Variants in DNMT3B observed in about 807,000 individuals in gnomAD.
DNMT3B encodes the protein DNA (cytosine-5)-methyltransferase 3B.
DNMT3B carries 37 observed loss-of-function variants against 120.2 expected under a neutral mutation model. The observed-to-expected ratio is 0.31, with a 90% CI of 0.24 to 0.40. The LOEUF (loss-of-function observed/expected upper bound fraction) is 0.40. Ranked by LOEUF, DNMT3B falls within the 10% of genes least tolerant of loss-of-function variation. The pLI is 1.00. For missense variants in DNMT3B, 878 were observed against 1,137.3 expected, an observed-to-expected ratio of 0.77 and a Z score of 3.28; for synonymous variants, 412 against 442.8, an observed-to-expected ratio of 0.93 and a Z score of 0.87.
intron 19 of DNMT3B, 41 bp downstream of exon 19, chr20:32,801,467 G>C (rs1035502717): frequency 6.2e-7 from 1 of 1,612,656 alleles, no homozygotes; most frequent in Non-Finnish European, 8.5e-7. Flanking sequence ...GACAGCCAGG[G>C]CAGGGAAAGC....
rs1978603308 is a variant in DNMT3B at position 32,781,364 on chromosome 20, A to C, written c.154A>C (p.Ser52Arg). The change falls in exon 3 of 23, where the codon AGC becomes CGC. Residue 52 changes from serine (S) to arginine (R), a missense_variant. Ser to Arg is a moderately radical substitution (Grantham distance 110). Transcript: ENST00000328111. ...TGTTTCCTCTACAGGCCGAAGATCAAGCTCGCGACTCTCCAAGAGGGAGGT... is the reference window on the plus strand; with the variant it reads ...TGTTTCCTCTACAGGCCGAAGATCACGCTCGCGACTCTCCAAGAGGGAGGT... ...RTPEIRGRRSSSRLSKREVSS... is the reference protein window; with the variant it reads ...RTPEIRGRRSRSRLSKREVSS... 2 of 1,614,196 alleles carry C rather than the reference A, an allele frequency of 1.2e-6. No homozygotes were observed. The highest frequency in any genetic ancestry group is 1.7e-6 in the Non-Finnish European group (2 of 1,180,046).
chr20:32,765,434 T>TC (rs1447459869), intron 1 of DNMT3B, among the ~76,000 whole-genome samples: 1 of 150,632 alleles, frequency 6.6e-6, no homozygotes, highest in African/African-American at 2.4e-5. Context: ...TTCTTTTTTT[T>TC]TTTTTTGAGA....
chr20:32,774,744 G>A (rs2087522972), intron 1 of DNMT3B, among the ~76,000 whole-genome samples: 1 of 151,636 alleles, frequency 6.6e-6, no homozygotes, highest in South Asian at 2.1e-4. Flanking sequence ...TTGAGATGGA[G>A]TCTCCCCCTT....
intron 3 of DNMT3B, among the ~76,000 whole-genome samples, chr20:32,784,182 G>T (rs1978981726): frequency 6.6e-6 from 1 of 152,198 alleles, no homozygotes; most frequent in Admixed American, 6.5e-5. Context: ...CTCCCAAAGT[G>T]TTGGGATTAC....
At position 32,800,313 on chromosome 20, in the gene DNMT3B, T is replaced by C. The variant is rs1297885262; in HGVS notation, c.1905+15T>C. 3.7e-6 allele frequency: 6 copies of C among 1,613,936 alleles called. No individual in the cohort carries two copies. The highest frequency in any genetic ancestry group is 3.4e-6 in the Non-Finnish European group (4 of 1,179,990). ...CAAAGAAAAATGTGAGGGCAGTCTG[T>C]ACCTTGCGGGCCTCATCTCTTCCTG... On this transcript the variant is annotated intron_variant, in intron 17 of 22. Transcript: ENST00000328111.
At chr20:32,780,566 CCA>C in intron 2 of DNMT3B, 101 bp downstream of exon 2, 1 of 1,511,882 alleles carries the variant, frequency 6.6e-7, no homozygotes, top group Non-Finnish European at 8.9e-7. Context: ...ACAACCTCCA[CCA>C]CAATTCCCCG....
At chr20:32,806,605 G>A (rs866403985) in intron 22 of DNMT3B, among the ~76,000 whole-genome samples, 1 of 152,206 alleles carries the variant, frequency 6.6e-6, no homozygotes, top group Non-Finnish European at 1.5e-5. Flanking sequence ...AACATGCTGG[G>A]ACACTACGAT....
At position 32,762,717 on chromosome 20, in the gene DNMT3B, C is replaced by T. The variant is rs1987044384; in HGVS notation, c.-7+18C>T. ...TGCGGCAGGTGAGCGCCCCGGGGCC[C>T]CGGGGAGGCTCGGCCGCCAGCTGCT... is the stretch of plus-strand genomic sequence containing the variant. On this transcript the variant is annotated intron_variant, in intron 1 of 22. Coordinates refer to ENST00000328111, the MANE Select transcript of DNMT3B (RefSeq NM_006892.4). 6.1e-6 allele frequency: 1 copy of T among 163,708 alleles called. No homozygotes were observed. Among genetic ancestry groups the T allele is most frequent in the Non-Finnish European group, 1.3e-5 (1 of 77,508 alleles). 10.1% of individuals were successfully genotyped at this position (163,708 alleles called of 1,614,324 possible). A position where few individuals can be genotyped will look rare whatever the true frequency, so the allele number is the denominator to read the frequency against.
In DNMT3B at chr20:32,809,187, T is replaced by C. The variant is rs1376273329; in HGVS notation, c.*1284T>C. The C allele has an allele frequency of 9.8e-6, 2 of 204,982 alleles. No individual in the cohort carries two copies. Among genetic ancestry groups the C allele is most frequent in the Non-Finnish European group, 1.9e-5 (2 of 106,476 alleles). The allele number at this position is 204,982 out of a possible 1,614,324, so 12.7% of individuals were successfully genotyped here. A position where few individuals can be genotyped will look rare whatever the true frequency, so the allele number is the denominator to read the frequency against. ...CACTTTTTAAAATCTCAAACTTCTA[T>C]TTTTATGTTTAACGTTTTCATTAAA... On this transcript the variant is annotated 3_prime_UTR_variant, in exon 23 of 23. Coordinates refer to ENST00000328111, the MANE Select transcript of DNMT3B (RefSeq NM_006892.4).
At chr20:32,804,857 G>A (rs1981792987) in intron 20 of DNMT3B, among the ~76,000 whole-genome samples, 1 of 152,020 alleles carries the variant, frequency 6.6e-6, no homozygotes, top group South Asian at 2.1e-4. Flanking sequence ...GCAGGCGGTT[G>A]CCATTCACTT....
chr20:32,789,918 C>T (rs1412862921), intron 7 of DNMT3B, among the ~76,000 whole-genome samples: 1 of 152,208 alleles, frequency 6.6e-6, no homozygotes, highest in African/African-American at 2.4e-5. Flanking sequence ...TCAGACAGAC[C>T]TATCCTGTGA....
At chr20:32,794,771 CA>C (rs1980410229) in intron 10 of DNMT3B, among the ~76,000 whole-genome samples, 3 of 152,256 alleles carry the variant, frequency 2.0e-5, no homozygotes, top group South Asian at 2.1e-4. Context: ...GTGCTGGTTT[CA>C]AAATTTCACT....
chr20:32,806,166 C>A (rs371450807), intron 21 of DNMT3B, 43 bp from the exon 22 acceptor site: 36 of 1,582,916 alleles, frequency 2.3e-5, no homozygotes, highest in Non-Finnish European at 3.0e-5. Context: ...TCCCCAGGTC[C>A]CTTCATTCTG....
chr20:32,770,699 G>A (rs1292837969), intron 1 of DNMT3B, among the ~76,000 whole-genome samples: 1 of 149,020 alleles, frequency 6.7e-6, no homozygotes, highest in Admixed American at 6.8e-5. Flanking sequence ...CACAACCTCC[G>A]CCTCCCGGGT....
In DNMT3B at chr20:32,808,596, C is replaced by A; in HGVS notation, c.*693C>A. On this transcript the variant is annotated 3_prime_UTR_variant, in exon 23 of 23. Coordinates refer to ENST00000328111, the MANE Select transcript of DNMT3B (RefSeq NM_006892.4). ...CAGGGCTATTTTTTCCCCCACAAAC[C>A]CAAGGGCAGGGGCCACTCTTAGCTA... is the stretch of plus-strand genomic sequence containing the variant. 4.3e-6 allele frequency: 1 copy of A among 231,626 alleles called. No homozygotes were observed. Among genetic ancestry groups the A allele is most frequent in the East Asian group, 6.2e-5 (1 of 16,168 alleles). 14.3% of individuals were successfully genotyped at this position (231,626 alleles called of 1,614,324 possible). A position where few individuals can be genotyped will look rare whatever the true frequency, so the allele number is the denominator to read the frequency against.
Position 32,806,252 on chromosome 20 carries a change from A to G in DNMT3B, c.2345A>G (p.Lys782Arg), listed in dbSNP as rs564957434. The change falls in exon 22 of 23, where the codon AAA (lysine) becomes AGA (arginine). Residue 782 changes from lysine (K) to arginine (R), a missense_variant. Physicochemically the swap from Lys to Arg is conservative, Grantham distance 26. Around this residue, in one of 4 missense-constraint regions of DNMT3B, gnomAD observed 334 missense variants for 518.8 expected, o/e 0.64. Transcript: ENST00000328111. ...ATAACCACCAAGTCGAACTCGATCAAACAGGGGAAAAACCAACTTTTCCCT... is the reference window on the plus strand; with the variant it reads ...ATAACCACCAAGTCGAACTCGATCAGACAGGGGAAAAACCAACTTTTCCCT... The part of the protein sequence containing the change: ...QTITTKSNSI[K>R]QGKNQLFPVV... The G allele has an allele frequency of 6.2e-7, 1 of 1,614,250 alleles. No homozygotes were observed. The highest frequency in any genetic ancestry group is 2.2e-5 in the East Asian group (1 of 44,888).
At chr20:32,806,533 A>C (rs1211409979) in intron 22 of DNMT3B, among the ~76,000 whole-genome samples, 2 of 152,218 alleles carry the variant, frequency 1.3e-5, no homozygotes, top group African/African-American at 4.8e-5. Context: ...AATCTGAGAC[A>C]TGAGGTCATT....
At chr20:32,779,651 C>G (rs1322619136) in intron 1 of DNMT3B, among the ~76,000 whole-genome samples, 2 of 152,202 alleles carry the variant, frequency 1.3e-5, no homozygotes, top group East Asian at 3.9e-4. Flanking sequence ...GGCTTTCTGC[C>G]TGTGCCTCCA....
At chr20:32,800,324 C>G (rs1327716513) in intron 17 of DNMT3B, 26 bp downstream of exon 17, 1 of 1,613,778 alleles carries the variant, frequency 6.2e-7, no homozygotes, top group East Asian at 2.2e-5. Flanking sequence ...ACCTTGCGGG[C>G]CTCATCTCTT....
Sources: allele counts gnomAD v4.1 joint callset (sites outside exome capture counted in the v4.1 genomes callset), GRCh38; gene constraint gnomAD v4.1.1; regional missense constraint gnomAD v4.1.1; transcripts MANE v1.5; gene names NCBI Gene and HGNC (gene_info 2026-07-23, HGNC 2026-07-21).